ITGA2: variants seen among roughly 807,000 people sequenced by gnomAD.
ITGA2 encodes integrin alpha-2.
A neutral mutation model predicts 146.3 loss-of-function variants in ITGA2; 101 were observed. That is an observed-to-expected ratio of 0.69 (90% confidence interval 0.59 to 0.81). The LOEUF is 0.81. ITGA2 is among the 40% of genes least tolerant of loss of function. The pLI is 0.00. For synonymous variants in ITGA2, 477 were observed against 487.1 expected (o/e 0.98, Z 0.27); for missense variants, 1,281 against 1,402.7 (o/e 0.91, Z 1.39).
At chr5:53,006,613 A>G (rs1168034622) in intron 1 of ITGA2, among the ~76,000 whole-genome samples, 1 of 152,192 alleles carries the variant, frequency 6.6e-6, no homozygotes, top group Admixed American at 6.5e-5. Context: ...TTATTGAACC[A>G]CGACCATGTG....
chr5:53,031,548 G>T (rs1341996957), intron 2 of ITGA2, among the ~76,000 whole-genome samples: 2 of 152,100 alleles, frequency 1.3e-5, no homozygotes, highest in African/African-American at 4.8e-5. Context: ...AAGAATTTAT[G>T]GGCATATTTA....
At chr5:53,040,277 T>C (rs953281016) in intron 2 of ITGA2, among the ~76,000 whole-genome samples, 1 of 152,170 alleles carries the variant, frequency 6.6e-6, no homozygotes, top group Non-Finnish European at 1.5e-5. Context: ...TTTTACACTT[T>C]AAGATATGTC....
At chr5:53,088,474 T>C (rs1424829488) in intron 28 of ITGA2, among the ~76,000 whole-genome samples, 1 of 151,780 alleles carries the variant, frequency 6.6e-6, no homozygotes, top group Non-Finnish European at 1.5e-5. Context: ...TCACCTGAGG[T>C]TGGGAGTTCG....
intron 2 of ITGA2, among the ~76,000 whole-genome samples, chr5:53,041,280 C>T (rs1743787114): frequency 6.6e-6 from 1 of 152,122 alleles, no homozygotes; most frequent in African/African-American, 2.4e-5. Flanking sequence ...AACCCATATT[C>T]TCTAGGTGAA....
At chr5:53,069,028 T>C (rs1745267643) in intron 16 of ITGA2, among the ~76,000 whole-genome samples, 6 of 151,880 alleles carry the variant, frequency 4.0e-5, no homozygotes, top group Admixed American at 3.9e-4. Context: ...GTTAAGTCAC[T>C]GGAGCAAGAA....
chr5:53,041,124 G>GA (rs1185643774), intron 2 of ITGA2, among the ~76,000 whole-genome samples: 8 of 151,742 alleles, frequency 5.3e-5, no homozygotes, highest in South Asian at 4.2e-4. Flanking sequence ...ATACTGACAT[G>GA]AAAAAAAATG....
At chr5:52,994,093 A>G (rs1038539061) in intron 1 of ITGA2, among the ~76,000 whole-genome samples, 2 of 152,198 alleles carry the variant, frequency 1.3e-5, no homozygotes, top group Admixed American at 6.5e-5. Flanking sequence ...CAGGTGATCC[A>G]TAGAGGCTTT....
intron 6 of ITGA2, among the ~76,000 whole-genome samples, chr5:53,050,171 TAA>T (rs1744284069): frequency 6.6e-6 from 1 of 152,228 alleles, no homozygotes; most frequent in African/African-American, 2.4e-5. Flanking sequence ...TAATTTTATT[TAA>T]GTCTCCTATA....
At chr5:53,088,522 C>T (rs1740227148) in intron 28 of ITGA2, among the ~76,000 whole-genome samples, 2 of 151,904 alleles carry the variant, frequency 1.3e-5, no homozygotes, top group South Asian at 4.2e-4. Context: ...CCTGTCTCTA[C>T]TAAAAATACA....
chr5:53,011,116 G>A (rs1276321933), intron 1 of ITGA2, among the ~76,000 whole-genome samples: 1 of 152,168 alleles, frequency 6.6e-6, no homozygotes, highest in African/African-American at 2.4e-5. Context: ...CTTCAGAACT[G>A]TGAGAGAATA....
intron 2 of ITGA2, among the ~76,000 whole-genome samples, chr5:53,028,080 C>CA (rs371152982): frequency 0.01 from 1,489 of 146,384 alleles, 27 homozygotes; most frequent in African/African-American, 0.033. Context: ...GATCCTGTCT[C>CA]AAAAAAAAAA....
Position 53,090,684 on chromosome 5 carries a change from A to T in ITGA2, c.*85A>T. The T allele has an allele frequency of 9.7e-7, 1 of 1,027,796 alleles. No homozygotes were observed. The highest frequency in any genetic ancestry group is 1.5e-6 in the Non-Finnish European group (1 of 682,860). The allele number at this position is 1,027,796 out of a possible 1,614,324, so 63.7% of individuals were successfully genotyped here. ...GTGAATGGATTTCTTTTTAAATCCC[A>T]TATTTTTTTTATCATGTCGTAGGTA... On this transcript the variant is annotated 3_prime_UTR_variant, in exon 30 of 30. Transcript: ENST00000296585.
chr5:53,061,809 A>G (rs1255918371), intron 12 of ITGA2, among the ~76,000 whole-genome samples: 1 of 151,918 alleles, frequency 6.6e-6, no homozygotes, highest in Non-Finnish European at 1.5e-5. Flanking sequence ...AGAAACTTAC[A>G]AAGATTTCTC....
rs147206099 is a variant in ITGA2, at chr5:52,997,019, G to T, written c.64+7487G>T. 5.8e-3 allele frequency among the ~76,000 whole-genome samples: 884 copies of T among 152,254 alleles called. 5 individuals carry two copies. Among genetic ancestry groups the T allele is most frequent in the South Asian group, 0.01 (50 of 4,822 alleles). ...ATCATAAATTAGAAAAGAAGTTGAT[G>T]TCTATTCTTAATTTTGTTAGTCATA... On this transcript the variant is annotated intron_variant, in intron 1 of 29. Transcript: ENST00000296585.
chr5:53,079,502 G>C (rs1007633493), intron 24 of ITGA2, among the ~76,000 whole-genome samples: 1 of 152,034 alleles, frequency 6.6e-6, no homozygotes, highest in Admixed American at 6.6e-5. Flanking sequence ...ATTTGTGAAA[G>C]AATAACTATT....
intron 1 of ITGA2, among the ~76,000 whole-genome samples, chr5:53,021,573 C>CT (rs751245121): frequency 4.9e-4 from 75 of 152,338 alleles, no homozygotes; most frequent in Admixed American, 7.2e-4. Flanking sequence ...ACCACGGCCC[C>CT]TGCCCTCGGC....
rs1561162993 is a variant in ITGA2, at chr5:53,090,976, C to T, written c.*377C>T. 2.1e-6 allele frequency: 1 copy of T among 481,372 alleles called. No homozygotes were observed. The highest frequency in any genetic ancestry group is 3.7e-5 in the Admixed American group (1 of 26,816). The allele number at this position is 481,372 out of a possible 1,614,324, so 29.8% of individuals were successfully genotyped here. ...AGATTTTAAGGGGGAAAACTGTTCT[C>T]TTTAAAATATTTGTCTTTAAACAGC... is the stretch of plus-strand genomic sequence containing the variant. On this transcript the variant is annotated 3_prime_UTR_variant, in exon 30 of 30. Coordinates refer to ENST00000296585, the MANE Select transcript of ITGA2 (RefSeq NM_002203.4).
At chr5:53,027,768 T>G (rs1419157029) in intron 2 of ITGA2, among the ~76,000 whole-genome samples, 5 of 152,196 alleles carry the variant, frequency 3.3e-5, no homozygotes, top group Non-Finnish European at 1.5e-5. Flanking sequence ...AATGGGCTGT[T>G]GTTGGCTTAT....
chr5:53,077,193 G>T (rs1354341169), intron 23 of ITGA2, among the ~76,000 whole-genome samples: 1 of 151,994 alleles, frequency 6.6e-6, no homozygotes, highest in Non-Finnish European at 1.5e-5. Flanking sequence ...CATAATTTAT[G>T]TAACCAATTC....
Sources: allele counts gnomAD v4.1 joint callset (sites outside exome capture counted in the v4.1 genomes callset), GRCh38; gene constraint gnomAD v4.1.1; transcripts MANE v1.5; gene names NCBI Gene and HGNC (gene_info 2026-07-23, HGNC 2026-07-21).